Variants in OR3A2 observed in about 807,000 individuals in gnomAD.
OR3A2 encodes olfactory receptor 3A2.
For synonymous variants in OR3A2, 126 were observed against 159.3 expected, an observed-to-expected ratio of 0.79 and a Z score of 1.57; for missense variants, 318 against 392.8, an observed-to-expected ratio of 0.81 and a Z score of 1.61.
intron 1 of OR3A2, among the ~76,000 whole-genome samples, chr17:3,385,503 T>C (rs1438357344): frequency 1.3e-5 from 2 of 152,208 alleles, no homozygotes; most frequent in East Asian, 1.9e-4. Flanking sequence ...TAGAGGAGTT[T>C]TGAGTGCTTA....
intron 2 of OR3A2, among the ~76,000 whole-genome samples, chr17:3,348,097 T>G (rs1254471434): frequency 6.6e-6 from 1 of 152,108 alleles, no homozygotes; most frequent in African/African-American, 2.4e-5. Context: ...GGGTTGTTTG[T>G]TTTTTTCTTG....
chr17:3,367,601 G>GTATATATATATATATATA (rs553464584), intron 2 of OR3A2, among the ~76,000 whole-genome samples: 66 of 122,528 alleles, frequency 5.4e-4, no homozygotes, highest in South Asian at 3.4e-3. Context: ...GTGTGTGTGT[G>GTATATATATATATATATA]TATATATATA....
chr17:3,322,099 G>C (rs2049128428), intron 3 of OR3A2, among the ~76,000 whole-genome samples: 1 of 152,098 alleles, frequency 6.6e-6, no homozygotes. Context: ...GTTTAGTCTT[G>C]GGAGGATGTA....
intron 3 of OR3A2, among the ~76,000 whole-genome samples, chr17:3,334,069 C>T (rs1264952090): frequency 6.6e-6 from 1 of 152,142 alleles, no homozygotes; most frequent in East Asian, 1.9e-4. Flanking sequence ...CATCTCACAC[C>T]AGTCAGAATG....
intron 1 of OR3A2, among the ~76,000 whole-genome samples, chr17:3,279,967 A>G (rs2048766862): frequency 6.6e-6 from 1 of 152,164 alleles, no homozygotes; most frequent in African/African-American, 2.4e-5. Flanking sequence ...TATCAACTCA[A>G]CATTTCTTGT....
chr17:3,336,125 G>A (rs1248589223), exon 3 of OR3A2: 1 of 152,250 alleles, frequency 6.6e-6, no homozygotes, highest in Non-Finnish European at 1.5e-5. Flanking sequence ...TTTGTGGCAT[G>A]TCTGTGGAAA....
intron 3 of OR3A2, among the ~76,000 whole-genome samples, chr17:3,323,690 C>G: frequency 6.6e-6 from 1 of 152,106 alleles, no homozygotes; most frequent in Non-Finnish European, 1.5e-5. Flanking sequence ...TTTGCCCCCA[C>G]TCTCTTCTGG....
downstream of OR3A2, among the ~76,000 whole-genome samples, chr17:3,276,760 G>T (rs115273492): frequency 6.8e-4 from 104 of 152,280 alleles, no homozygotes; most frequent in African/African-American, 2.4e-3. Context: ...TCATATGTGT[G>T]AGGAAGGTAA....
chr17:3,357,178 G>C (rs1597356530), intron 2 of OR3A2, among the ~76,000 whole-genome samples: 1 of 151,668 alleles, frequency 6.6e-6, no homozygotes, highest in East Asian at 1.9e-4. Context: ...TACTAATACA[G>C]CTAGTCCATG....
chr17:3,282,083 G>A (rs2048779959), intron 1 of OR3A2, among the ~76,000 whole-genome samples: 1 of 152,120 alleles, frequency 6.6e-6, no homozygotes, highest in South Asian at 2.1e-4. Context: ...AGGTGATCCA[G>A]CCACTTCCAC....
intron 3 of OR3A2, among the ~76,000 whole-genome samples, chr17:3,334,812 T>TA (rs1567559111): frequency 1.3e-5 from 2 of 152,232 alleles, no homozygotes; most frequent in East Asian, 1.9e-4. Flanking sequence ...TTTTAAAAAT[T>TA]AGAGTTTCTG....
chr17:3,328,383 CT>C (rs1359670943), intron 3 of OR3A2, among the ~76,000 whole-genome samples: 5 of 80,932 alleles, frequency 6.2e-5, no homozygotes, highest in African/African-American at 3.2e-4. Flanking sequence ...TATAAGAATG[CT>C]TGTGATTTTT....
intron 3 of OR3A2, among the ~76,000 whole-genome samples, chr17:3,315,458 C>A (rs804230): frequency 0.69 from 105,217 of 152,082 alleles, 37,974 homozygotes; most frequent in East Asian, 1. Context: ...GCACTTTTTC[C>A]TGGGTTTGTC....
At chr17:3,344,912 G>A (rs1191491037) in intron 2 of OR3A2, among the ~76,000 whole-genome samples, 2 of 152,182 alleles carry the variant, frequency 1.3e-5, no homozygotes, top group African/African-American at 2.4e-5. Context: ...CAGCTACCTT[G>A]CCTATCAAGT....
intron 2 of OR3A2, among the ~76,000 whole-genome samples, chr17:3,347,556 C>T (rs1289979001): frequency 1.3e-5 from 2 of 152,094 alleles, no homozygotes; most frequent in Admixed American, 1.3e-4. Context: ...CATCCATGTC[C>T]CTACAAAGGA....
exon 2 of OR3A2, chr17:3,278,161 G>C: frequency 1.2e-6 from 2 of 1,614,266 alleles, no homozygotes; most frequent in South Asian, 2.2e-5. Flanking sequence ...CCAAAGAAAA[G>C]ACAAACCACG....
At chr17:3,366,316 G>A (rs2049562990) in intron 2 of OR3A2, among the ~76,000 whole-genome samples, 11 of 152,118 alleles carry the variant, frequency 7.2e-5, no homozygotes, top group Admixed American at 7.2e-4. Flanking sequence ...GCTAATCCCA[G>A]AATCTCAGGG....
chr17:3,303,933 A>ATT (rs745667412), intron 3 of OR3A2, among the ~76,000 whole-genome samples: 2 of 113,338 alleles, frequency 1.8e-5, no homozygotes, highest in Non-Finnish European at 3.8e-5. Context: ...AAATATATAT[A>ATT]TTATATATAT....
intron 2 of OR3A2, among the ~76,000 whole-genome samples, chr17:3,358,699 ATGTGGT>A (rs2049483153): frequency 6.6e-6 from 1 of 151,682 alleles, no homozygotes; most frequent in Non-Finnish European, 1.5e-5. Context: ...ATGTCTAATT[ATGTGGT>A]TAATTTTCGA....
Sources: gnomAD v4.1 joint callset for allele counts (sites outside exome capture counted in the v4.1 genomes callset) on GRCh38, gnomAD v4.1.1 for gene constraint, MANE v1.5 for transcripts, NCBI Gene and HGNC (gene_info 2026-07-23, HGNC 2026-07-21) for gene names.